Variants in CATSPERG observed in about 807,000 individuals in gnomAD.
CATSPERG encodes the protein catsper channel auxiliary subunit gamma, also known as cation channel sperm-associated auxiliary subunit gamma.
A neutral mutation model predicts 145.0 loss-of-function variants in CATSPERG; 115 were observed. The observed-to-expected ratio is 0.79, with a 90% CI of 0.68 to 0.93. The LOEUF (loss-of-function observed/expected upper bound fraction) is 0.93, where lower values mean the gene tolerates loss of function less well. CATSPERG is among the 40% of genes least tolerant of loss of function. CATSPERG has a pLI of 0.00. For synonymous variants in CATSPERG, 588 were observed against 589.0 expected (o/e 1.00, Z 0.02); for missense variants, 1,296 against 1,490.1 (o/e 0.87, Z 2.14).
At position 38,359,585 on chromosome 19, in the gene CATSPERG, G is replaced by T. The variant is rs962777071; in HGVS notation, c.1608+4G>T. 2.5e-6 allele frequency: 4 copies of T among 1,610,190 alleles called. No homozygotes were observed. Among genetic ancestry groups the T allele is most frequent in the Non-Finnish European group, 3.4e-6 (4 of 1,178,268 alleles). ...TATTGTCACAGAGACGGAGGAGGTG[G>T]GCTGCCCCGCCCCTCTCCCCGTTCC... On this transcript the variant is annotated splice_donor_region_variant and intron_variant, in intron 14 of 28. Transcript: ENST00000409235.
chr19:38,356,509 G>T lies in CATSPERG; in HGVS notation c.1161G>T (p.Leu387=). 1 of 1,614,016 alleles carries T rather than the reference G, an allele frequency of 6.2e-7. No individual in the cohort carries two copies. The highest frequency in any genetic ancestry group is 8.5e-7 in the Non-Finnish European group (1 of 1,179,994). The change falls in exon 10 of 29, where the codon CTG becomes CTT. Residue 387 remains leucine, a synonymous_variant. Transcript: ENST00000409235. The part of the protein sequence containing the change: ...IRDGQVSFEM[L]PRQWSVCEQI... ...ATGGCCAGGTGTCCTTTGAGATGCT[G>T]CCCAGGCAGTGGTCTGTGTGCGAGC...
chr19:38,337,284 G>C lies in CATSPERG; in HGVS notation c.50G>C (p.Arg17Pro), dbSNP rs1969858138. ...FPAGPPWPRVRVVQVLWALLA... is the reference protein window; with the variant it reads ...FPAGPPWPRVPVVQVLWALLA... ...GCCGGTCCTCCGTGGCCCAGAGTCC[G>C]AGTCGTGCAGGTGCTGTGGGCCCTG... Residue 17 changes from arginine to proline, a missense_variant, in exon 2 of 29, where the codon CGA becomes CCA. Coordinates refer to ENST00000409235, the MANE Select transcript of CATSPERG (RefSeq NM_021185.5). The C allele has an allele frequency of 6.4e-7, 1 of 1,551,376 alleles. No homozygotes were observed. Among genetic ancestry groups the C allele is most frequent in the African/African-American group, 1.4e-5 (1 of 73,072 alleles).
Position 38,361,812 on chromosome 19 carries a change from A to G in CATSPERG, c.2045A>G (p.Tyr682Cys), listed in dbSNP as rs890837402. The change falls in exon 17 of 29, where the codon TAC becomes TGC. Residue 682 changes from tyrosine (Y) to cysteine (C), a missense_variant. Transcript: ENST00000409235. ...GFHNENSLAI[Y>C]QGLVYYLLWL... ...CACAACGAGAACTCGCTCGCCATCT[A>G]CCAGGGCCTGGTCTACTACCTGCTG... is the stretch of plus-strand genomic sequence containing the variant. 4.3e-6 allele frequency: 7 copies of G among 1,612,136 alleles called. No individual in the cohort carries two copies. The highest frequency in any genetic ancestry group is 5.9e-6 in the Non-Finnish European group (7 of 1,179,052).
At position 38,363,374 on chromosome 19, in the gene CATSPERG, C is replaced by T. The variant is rs1221686438; in HGVS notation, c.2475+542C>T. Reference sequence around the variant, plus strand: ...TATTTTTTGTAGAGACGGGGGTCTCCCTATGTTGCCCAGGCTGGCCTCGAA... The same window carrying T: ...TATTTTTTGTAGAGACGGGGGTCTCTCTATGTTGCCCAGGCTGGCCTCGAA... On this transcript the variant is annotated intron_variant, in intron 20 of 28. Transcript: ENST00000409235. Among the ~76,000 whole-genome samples, 5 of 151,712 alleles carry T rather than the reference C, an allele frequency of 3.3e-5. No individual in the cohort carries two copies. In the East Asian group the frequency reaches 7.7e-4, roughly 23 times the overall value.
chr19:38,368,155 C>T lies in CATSPERG; in HGVS notation c.3020+18C>T. 1 of 1,607,246 alleles carries T rather than the reference C, an allele frequency of 6.2e-7. No homozygotes were observed. The highest frequency in any genetic ancestry group is 8.5e-7 in the Non-Finnish European group (1 of 1,173,886). On this transcript the variant is annotated intron_variant, in intron 26 of 28. Coordinates refer to ENST00000409235, the MANE Select transcript of CATSPERG (RefSeq NM_021185.5). ...GGCATCGAGTGAGTGCGTAGCCTGG[C>T]CCCTCTTGGCCCCCATCTGTCGGTA...
In CATSPERG at chr19:38,358,115, CAG is replaced by C. The variant is rs562395561; in HGVS notation, c.1316-162_1316-161del. The stretch of plus-strand genomic sequence containing the variant: ...CCTGGGCGACAGGGAGATCCTGTCT[CAG>C]GGGGGAAATAAAAGAAAAGAAACTC... On this transcript the variant is annotated intron_variant, in intron 11 of 28. Transcript: ENST00000409235. 3.4e-4 allele frequency: 225 copies of C among 655,974 alleles called. No individual in the cohort carries two copies. In the African/African-American group the frequency reaches 3.5e-3, roughly 10 times the overall value. 40.6% of individuals were successfully genotyped at this position (655,974 alleles called of 1,614,324 possible). A position where few individuals can be genotyped will look rare whatever the true frequency, so the allele number is the denominator to read the frequency against.
chr19:38,363,503 T>C (rs1970389996), intron 20 of CATSPERG, among the ~76,000 whole-genome samples: 1 of 151,002 alleles, frequency 6.6e-6, no homozygotes, highest in Admixed American at 6.6e-5. Flanking sequence ...TTTTTTTTTT[T>C]TTTTTTATTG....
intron 7 of CATSPERG, chr19:38,348,980 A>G (rs1460225924): frequency 6.6e-6 from 1 of 152,124 alleles, no homozygotes; most frequent in Non-Finnish European, 1.5e-5. Flanking sequence ...CATCACTCCA[A>G]AATAAACCCT....
At chr19:38,348,261 C>T (rs1200144782) in intron 7 of CATSPERG, among the ~76,000 whole-genome samples, 1 of 151,694 alleles carries the variant, frequency 6.6e-6, no homozygotes, top group African/African-American at 2.4e-5. Flanking sequence ...TGGACTTAAA[C>T]GATCCTCCTG....
At chr19:38,353,244 G>T (rs1970179118) in intron 8 of CATSPERG, among the ~76,000 whole-genome samples, 1 of 151,748 alleles carries the variant, frequency 6.6e-6, no homozygotes, top group African/African-American at 2.4e-5. Flanking sequence ...TGAGAAAGGA[G>T]AATTGCTTGA....
At chr19:38,360,687 G>A in intron 15 of CATSPERG, 40 bp downstream of exon 15, 1 of 1,614,046 alleles carries the variant, frequency 6.2e-7, no homozygotes. Flanking sequence ...GGGCACCCCA[G>A]GAGGGCTGAC....
At chr19:38,338,973 C>T (rs1025426543) in intron 3 of CATSPERG, among the ~76,000 whole-genome samples, 28 of 151,942 alleles carry the variant, frequency 1.8e-4, no homozygotes, top group African/African-American at 6.5e-4. Context: ...CGACGAAGTC[C>T]GGCGGAGTCA....
At chr19:38,336,288 C>G (rs1023549795) in intron 1 of CATSPERG, 7 of 443,140 alleles carry the variant, frequency 1.6e-5, no homozygotes, top group Non-Finnish European at 3.2e-5. Flanking sequence ...GAGGAAAGAT[C>G]CCGAGGCGAA....
chr19:38,351,916 T>A (rs990856010), intron 7 of CATSPERG, among the ~76,000 whole-genome samples: 2 of 152,014 alleles, frequency 1.3e-5, no homozygotes, highest in African/African-American at 2.4e-5. Flanking sequence ...TTAAAAAAAA[T>A]GTCCCTTGGG....
rs1568384430 is a variant in CATSPERG, at chr19:38,368,072, G to A, written c.2955G>A (p.Thr985=). ...LDKTNSLIWT[T]RTTRTTKDSA... ...GGACCAACAGCCTTATCTGGACCAC[G>A]AGGACCACAAGGACCACCAAAGACT... The change falls in exon 26 of 29, where the codon ACG becomes ACA. Residue 985 remains threonine (T), a synonymous_variant. Transcript: ENST00000409235. 10 of 1,614,104 alleles carry A rather than the reference G, an allele frequency of 6.2e-6. No homozygotes were observed. The highest frequency in any genetic ancestry group is 1.7e-5 in the Admixed American group (1 of 60,016).
rs112638550 is a variant in CATSPERG, at chr19:38,338,015, C to T, written c.324+369C>T. Among the ~76,000 whole-genome samples, 1,162 of 152,214 alleles carry T rather than the reference C, an allele frequency of 7.6e-3. 16 individuals are homozygous for T. Among genetic ancestry groups the T allele is most frequent in the East Asian group, 0.049 (253 of 5,162 alleles). The stretch of plus-strand genomic sequence containing the variant: ...TACAGGTGTGAGCCACCGTGCCTGG[C>T]CCCCATCTCAATATGTGGTAGCACC... On this transcript the variant is annotated intron_variant, in intron 3 of 28. Transcript: ENST00000409235.
At chr19:38,339,027 G>A (rs1969892503) in intron 3 of CATSPERG, among the ~76,000 whole-genome samples, 1 of 152,076 alleles carries the variant, frequency 6.6e-6, no homozygotes, top group African/African-American at 2.4e-5. Context: ...AGTAAAGTGG[G>A]ACCAGAGGGC....
intron 7 of CATSPERG, 118 bp downstream of exon 7, chr19:38,346,723 G>A (rs528682821): frequency 1.1e-6 from 1 of 900,266 alleles, no homozygotes; most frequent in African/African-American, 1.7e-5. Flanking sequence ...CTGTCCCCAT[G>A]AGAGGCAGAT....
rs1184907158 is a variant in CATSPERG at position 38,356,823 on chromosome 19, A to G, written c.1277A>G (p.Asn426Ser). Reference protein sequence around the residue: ...LLLLVESGYGNASKRFQVVSY... With the variant: ...LLLLVESGYGSASKRFQVVSY... ...CTGCTGGTGGAGAGTGGATATGGTA[A>G]TGCAAGTAAACGTTTCCAGGTGGTC... Residue 426 changes from asparagine to serine, a missense_variant, in exon 11 of 29, where the codon AAT (asparagine) becomes AGT (serine). Coordinates refer to ENST00000409235, the MANE Select transcript of CATSPERG (RefSeq NM_021185.5). 1.2e-6 allele frequency: 2 copies of G among 1,614,160 alleles called. No homozygotes were observed. The highest frequency in any genetic ancestry group is 8.5e-7 in the Non-Finnish European group (1 of 1,180,014).
Sources: gnomAD v4.1 joint callset for allele counts (sites outside exome capture counted in the v4.1 genomes callset) on GRCh38, gnomAD v4.1.1 for gene constraint, MANE v1.5 for transcripts, NCBI Gene and HGNC (gene_info 2026-07-23, HGNC 2026-07-21) for gene names.